Variants in CRADD observed in about 807,000 individuals in gnomAD.
CRADD encodes death domain-containing protein CRADD.
CRADD carries 9 observed loss-of-function variants against 15.5 expected under a neutral mutation model. The ratio of observed to expected loss-of-function variants is 0.58; its 90% CI spans 0.35 to 1.01. The LOEUF (loss-of-function observed/expected upper bound fraction) is 1.01. CRADD is among the 50% of genes least tolerant of loss of function. The pLI, the probability that CRADD is intolerant of heterozygous loss-of-function variation, is 0.02. For missense variants in CRADD, 227 were observed against 250.3 expected, an observed-to-expected ratio of 0.91 and a Z score of 0.63; for synonymous variants, 118 against 107.6, an observed-to-expected ratio of 1.10 and a Z score of -0.60.
At chr12:93,750,700 T>A (rs1040164051) in intron 2 of CRADD, among the ~76,000 whole-genome samples, 1 of 152,230 alleles carries the variant, frequency 6.6e-6, no homozygotes, top group Non-Finnish European at 1.5e-5. Context: ...CACTATATAT[T>A]TGCATGTGGA....
In CRADD at chr12:93,859,262, A is replaced by C. The variant is rs941825221; in HGVS notation, c.299-34788A>C. On this transcript the variant is annotated intron_variant, in intron 2 of 2. Transcript: ENST00000548483. ...AATTGTTTTAAATTGTTTTTTAAAAAGCTATAATCAAATACATTTGTTACT... is the reference window on the plus strand; with the variant it reads ...AATTGTTTTAAATTGTTTTTTAAAACGCTATAATCAAATACATTTGTTACT... 19 of 443,112 alleles carry C rather than the reference A, an allele frequency of 4.3e-5. 1 individual carries two copies. In the Middle Eastern group the frequency reaches 4.0e-3, roughly 93 times the overall value. 27.4% of individuals were successfully genotyped at this position (443,112 alleles called of 1,614,324 possible). A position where few individuals can be genotyped will look rare whatever the true frequency, so the allele number is the denominator to read the frequency against.
chr12:93,744,622 C>A (rs147307093), intron 2 of CRADD, among the ~76,000 whole-genome samples: 1,848 of 152,252 alleles, frequency 0.012, 25 homozygotes, highest in Non-Finnish European at 0.018. Context: ...GCTTACCATA[C>A]CCCTCTGGGT....
At chr12:93,695,038 G>A (rs1398875910) in intron 2 of CRADD, among the ~76,000 whole-genome samples, 1 of 152,176 alleles carries the variant, frequency 6.6e-6, no homozygotes, top group Non-Finnish European at 1.5e-5. Context: ...AGAACTGGAG[G>A]CATCATACTA....
chr12:93,719,894 T>C (rs1956228886), intron 2 of CRADD, among the ~76,000 whole-genome samples: 1 of 152,154 alleles, frequency 6.6e-6, no homozygotes, highest in East Asian at 1.9e-4. Flanking sequence ...AACATTGCTT[T>C]ATTGATTTTT....
Position 93,867,061 on chromosome 12 carries a change from G to C in CRADD, c.299-26989G>C, listed in dbSNP as rs145537161. Among the ~76,000 whole-genome samples the C allele has an allele frequency of 1.2e-3, 188 of 152,204 alleles. No homozygotes were observed. The Middle Eastern group carries it at 0.017, about 14-fold the overall frequency. ...GGGAGCAGGGAGGATTTGTATTTGT[G>C]TCTGTCTGACTCCTAGACTTTTGTC... On this transcript the variant is annotated intron_variant, in intron 2 of 2. Transcript: ENST00000548483.
chr12:93,678,512 C>T (rs866643820), intron 1 of CRADD, among the ~76,000 whole-genome samples: 2 of 151,390 alleles, frequency 1.3e-5, no homozygotes, highest in African/African-American at 2.4e-5. Context: ...CTTTATTGAA[C>T]GAGGAATTGA....
chr12:93,879,783 G>A (rs1958482259), intron 2 of CRADD, among the ~76,000 whole-genome samples: 1 of 152,134 alleles, frequency 6.6e-6, no homozygotes, highest in African/African-American at 2.4e-5. Context: ...AGAGAGCCTG[G>A]GAGCAAACAC....
intron 2 of CRADD, among the ~76,000 whole-genome samples, chr12:93,684,494 G>A (rs1349190013): frequency 6.6e-6 from 1 of 152,086 alleles, no homozygotes; most frequent in African/African-American, 2.4e-5. Context: ...TCTGCGATCC[G>A]GTTCCTAATA....
intron 2 of CRADD, among the ~76,000 whole-genome samples, chr12:93,798,478 G>T (rs1399756787): frequency 6.6e-6 from 1 of 152,122 alleles, no homozygotes; most frequent in African/African-American, 2.4e-5. Context: ...ACAACCCTAT[G>T]AGATAGCAAT....
chr12:93,881,074 A>G (rs1958496272), intron 2 of CRADD, among the ~76,000 whole-genome samples: 1 of 152,196 alleles, frequency 6.6e-6, no homozygotes, highest in African/African-American at 2.4e-5. Flanking sequence ...TGCAGACACT[A>G]TTTGTGTACT....
At chr12:93,724,281 A>C (rs978917714) in intron 2 of CRADD, among the ~76,000 whole-genome samples, 5 of 151,766 alleles carry the variant, frequency 3.3e-5, no homozygotes, top group African/African-American at 1.2e-4. Context: ...TGGGAGGCTG[A>C]GGCGAGAGGA....
At position 93,886,162 on chromosome 12, in the gene CRADD, C is replaced by CTTTTTTTTTTTTTTTTTTTTTTTT. The variant is rs761719331; in HGVS notation, c.299-7868_299-7867insTTTTTTTTTTTTTTTTTTTTTTTT. ...ATGGACATGCCTCTAGCTGCTGATG[C>CTTTTTTTTTTTTTTTTTTTTTTTT]TTTTTTTTTTTTTTTTTTTTGAGAC... is the stretch of plus-strand genomic sequence containing the variant. On this transcript the variant is annotated intron_variant, in intron 2 of 2. Coordinates refer to the CRADD transcript ENST00000548483. 2.4e-5 allele frequency among the ~76,000 whole-genome samples: 3 copies of CTTTTTTTTTTTTTTTTTTTTTTTT among 123,948 alleles called. 1 individual carries two copies. 81.3% of individuals were successfully genotyped at this position (123,948 alleles called of 152,430 possible).
At chr12:93,881,447 G>C (rs937708761) in intron 2 of CRADD, among the ~76,000 whole-genome samples, 33 of 136,724 alleles carry the variant, frequency 2.4e-4, no homozygotes, top group South Asian at 2.1e-3. Flanking sequence ...TGTGGGGGGG[G>C]GGTGGGGATC....
At chr12:93,819,762 G>A (rs560886137) in intron 2 of CRADD, among the ~76,000 whole-genome samples, 166 of 152,332 alleles carry the variant, frequency 1.1e-3, no homozygotes, top group African/African-American at 3.9e-3. Context: ...CCACATAACC[G>A]AAGGAGAATC....
chr12:93,816,962 C>T (rs981311460), intron 2 of CRADD, among the ~76,000 whole-genome samples: 1 of 152,224 alleles, frequency 6.6e-6, no homozygotes, highest in African/African-American at 2.4e-5. Flanking sequence ...AATCAGAGGT[C>T]TGCCTTTGGA....
intron 2 of CRADD, among the ~76,000 whole-genome samples, chr12:93,736,987 C>A (rs570500096): frequency 2.6e-5 from 4 of 152,140 alleles, no homozygotes; most frequent in Non-Finnish European, 5.9e-5. Flanking sequence ...CTGGTGAGAC[C>A]AGACATATGA....
intron 2 of CRADD, among the ~76,000 whole-genome samples, chr12:93,764,925 A>C (rs911367368): frequency 2.0e-5 from 3 of 151,946 alleles, no homozygotes; most frequent in Non-Finnish European, 4.4e-5. Flanking sequence ...GCATCTATCC[A>C]GTTTTGAATT....
chr12:93,694,900 T>C (rs755711000), intron 2 of CRADD, among the ~76,000 whole-genome samples: 10 of 147,434 alleles, frequency 6.8e-5, no homozygotes, highest in Non-Finnish European at 1.2e-4. Context: ...AAGTGATTTA[T>C]AGATTCAGTG....
At chr12:93,689,907 G>A (rs1276334794) in intron 2 of CRADD, among the ~76,000 whole-genome samples, 1 of 152,144 alleles carries the variant, frequency 6.6e-6, no homozygotes, top group African/African-American at 2.4e-5. Flanking sequence ...GAGTTGGAAG[G>A]GATCTTAGAA....
Sources: allele counts gnomAD v4.1 joint callset (sites outside exome capture counted in the v4.1 genomes callset), GRCh38; gene constraint gnomAD v4.1.1; transcripts MANE v1.5; gene names NCBI Gene and HGNC (gene_info 2026-07-23, HGNC 2026-07-21).